The following WRN variants were observed in gnomAD, a reference collection of about 807,000 sequenced individuals.
The protein encoded by WRN is bifunctional 3'-5' exonuclease/ATP-dependent helicase WRN.
A neutral mutation model predicts 180.7 loss-of-function variants in WRN; 149 were observed. The ratio of observed to expected loss-of-function variants is 0.82; its 90% CI spans 0.72 to 0.94. The LOEUF (loss-of-function observed/expected upper bound fraction) is 0.94. Among genes scored for constraint, WRN ranks in the 40% least tolerant of loss-of-function variants. WRN has a pLI of 0.00. For missense variants in WRN, 1,661 were observed against 1,700.1 expected (o/e 0.98, Z 0.40); for synonymous variants, 548 against 568.9 (o/e 0.96, Z 0.52).
chr8:31,075,482 T>C (rs1419197312), intron 7 of WRN, among the ~76,000 whole-genome samples: 2 of 151,258 alleles, frequency 1.3e-5, no homozygotes, highest in Non-Finnish European at 2.9e-5. Context: ...GAGGCCAAGG[T>C]GGGCGGATCC....
At chr8:31,071,267 G>C (rs564917882) in intron 7 of WRN, among the ~76,000 whole-genome samples, 23 of 152,176 alleles carry the variant, frequency 1.5e-4, no homozygotes, top group African/African-American at 5.5e-4. Flanking sequence ...CCTCCCAAGA[G>C]CAATCGAAGT....
chr8:31,163,738 C>T (rs1055214789), intron 33 of WRN, among the ~76,000 whole-genome samples: 1 of 151,914 alleles, frequency 6.6e-6, no homozygotes. Context: ...AAAAACTTAT[C>T]CTTCGGTTAA....
intron 33 of WRN, among the ~76,000 whole-genome samples, chr8:31,159,832 C>T (rs1243197990): frequency 6.6e-6 from 1 of 151,476 alleles, no homozygotes; most frequent in Non-Finnish European, 1.5e-5. Flanking sequence ...GTAATCCCAG[C>T]TACTCAGGAG....
At chr8:31,170,257 CTG>C (rs1214304672) in intron 34 of WRN, among the ~76,000 whole-genome samples, 1 of 152,092 alleles carries the variant, frequency 6.6e-6, no homozygotes, top group East Asian at 1.9e-4. Flanking sequence ...ATTAAAAGCT[CTG>C]TTGTTGCAGC....
At chr8:31,080,206 TA>T (rs780078605) in intron 8 of WRN, among the ~76,000 whole-genome samples, 2 of 152,212 alleles carry the variant, frequency 1.3e-5, no homozygotes, top group Non-Finnish European at 2.9e-5. Flanking sequence ...CTTAAAGTGT[TA>T]ATGTTTGTTT....
At chr8:31,064,839 A>T in intron 4 of WRN, 76 bp from the exon 5 acceptor site, 1 of 1,481,280 alleles carries the variant, frequency 6.8e-7, no homozygotes, top group Non-Finnish European at 9.4e-7. Flanking sequence ...ACACATAAAC[A>T]TGGTATGTAT....
At chr8:31,162,775 C>T (rs1042874789) in intron 33 of WRN, among the ~76,000 whole-genome samples, 1 of 152,130 alleles carries the variant, frequency 6.6e-6, no homozygotes, top group East Asian at 1.9e-4. Context: ...TTCCTGTTGG[C>T]TGCCCGTCGT....
chr8:31,127,062 G>A (rs961556959), intron 23 of WRN, among the ~76,000 whole-genome samples: 5 of 152,160 alleles, frequency 3.3e-5, no homozygotes, highest in African/African-American at 1.2e-4. Flanking sequence ...ACAACCATTA[G>A]AGGGATTGAA....
chr8:31,063,297 G>A (rs534665859), intron 3 of WRN, among the ~76,000 whole-genome samples: 2 of 152,262 alleles, frequency 1.3e-5, no homozygotes, highest in South Asian at 2.1e-4. Flanking sequence ...TTGTTGATCT[G>A]TGTAGTTCCA....
At chr8:31,154,829 T>A in intron 32 of WRN, 74 bp downstream of exon 32, 1 of 1,572,232 alleles carries the variant, frequency 6.4e-7, no homozygotes, top group Non-Finnish European at 8.7e-7. Flanking sequence ...TTTTTAGTAT[T>A]AAAGTTCTGA....
chr8:31,080,735 A>G, intron 8 of WRN, 132 bp from the exon 9 acceptor site: 3 of 736,840 alleles, frequency 4.1e-6, no homozygotes, highest in South Asian at 2.1e-5. Flanking sequence ...GGAATGAAGA[A>G]CAGCCTTAAT....
Position 31,066,177 on chromosome 8 carries a change from C to T in WRN, c.505-856C>T, listed in dbSNP as rs931044060. Among the ~76,000 whole-genome samples, 19 of 150,602 alleles carry T rather than the reference C, an allele frequency of 1.3e-4. No individual in the cohort carries two copies. In the South Asian group the frequency reaches 1.7e-3, roughly 13 times the overall value. ...GCAGGCGTGAGCCACCGCACCTGGC[C>T]GGCAGACAGTTTCTTTTTTTCTTTT... On this transcript the variant is annotated intron_variant, in intron 5 of 34. Coordinates refer to ENST00000298139, the MANE Select transcript of WRN (RefSeq NM_000553.6).
At chr8:31,167,360 C>T in intron 34 of WRN, 130 bp downstream of exon 34, 1 of 790,622 alleles carries the variant, frequency 1.3e-6, no homozygotes, top group Non-Finnish European at 2.0e-6. Context: ...TGCTACATTT[C>T]CTTTGCTTTT....
intron 29 of WRN, 94 bp from the exon 30 acceptor site, chr8:31,147,270 C>T (rs539731887): frequency 2.0e-5 from 30 of 1,466,600 alleles, no homozygotes; most frequent in South Asian, 7.0e-5. Context: ...TATATTCATT[C>T]TAAGGAAAAA....
chr8:31,082,918 A>T (rs936373341), intron 9 of WRN, among the ~76,000 whole-genome samples: 3 of 152,210 alleles, frequency 2.0e-5, no homozygotes, highest in Non-Finnish European at 4.4e-5. Context: ...TATTCGTTAA[A>T]TAAGAAGTAA....
chr8:31,142,569 A>G, intron 26 of WRN, 57 bp from the exon 27 acceptor site: 1 of 1,315,478 alleles, frequency 7.6e-7, no homozygotes, highest in Non-Finnish European at 1.1e-6. Flanking sequence ...ATCATGATTC[A>G]TGAATTAGAT....
At chr8:31,123,996 T>A (rs142889076) in intron 21 of WRN, among the ~76,000 whole-genome samples, 1 of 152,264 alleles carries the variant, frequency 6.6e-6, no homozygotes, top group Admixed American at 6.5e-5. Flanking sequence ...TGTCCCATAA[T>A]AACCCATAAT....
intron 13 of WRN, among the ~76,000 whole-genome samples, chr8:31,090,048 T>C (rs1215679936): frequency 6.6e-6 from 1 of 151,866 alleles, no homozygotes; most frequent in African/African-American, 2.4e-5. Context: ...CATTTGCAAA[T>C]TTTAAATATA....
chr8:31,097,936 A>G (rs1038694260), intron 17 of WRN, among the ~76,000 whole-genome samples: 10 of 152,146 alleles, frequency 6.6e-5, no homozygotes, highest in Non-Finnish European at 1.5e-4. Context: ...TATGTATTCA[A>G]ATAATTCCAG....
Sources: gnomAD v4.1 joint callset for allele counts (sites outside exome capture counted in the v4.1 genomes callset) on GRCh38, gnomAD v4.1.1 for gene constraint, MANE v1.5 for transcripts, NCBI Gene and HGNC (gene_info 2026-07-23, HGNC 2026-07-21) for gene names.